TMEM184C: variants seen among roughly 807,000 people sequenced by gnomAD.
The protein encoded by TMEM184C is transmembrane protein 34.
A neutral mutation model predicts 54.5 loss-of-function variants in TMEM184C; 25 were observed. The ratio of observed to expected loss-of-function variants is 0.46; its 90% CI spans 0.33 to 0.64. The LOEUF is 0.64. Ranked by LOEUF, TMEM184C falls within the 30% of genes least tolerant of loss-of-function variation. The pLI, the probability that TMEM184C is intolerant of heterozygous loss-of-function variation, is 0.02. For missense variants in TMEM184C, 335 were observed against 520.3 expected (o/e 0.64, Z 3.46); for synonymous variants, 148 against 181.5 (o/e 0.82, Z 1.49).
Position 147,636,547 on chromosome 4 carries a change from C to T in TMEM184C, c.*2113C>T, listed in dbSNP as rs1222984163. 6.6e-6 allele frequency: 1 copy of T among 152,006 alleles called. No individual in the cohort carries two copies. The highest frequency in any genetic ancestry group is 6.6e-5 in the Admixed American group (1 of 15,244). The allele number at this position is 152,006 out of a possible 1,614,324, so 9.4% of individuals were successfully genotyped here. On this transcript the variant is annotated 3_prime_UTR_variant, in exon 10 of 10. Coordinates refer to ENST00000296582, the MANE Select transcript of TMEM184C (RefSeq NM_018241.3). ...AGAAGAGAACATAGGAGAAAAGTTC[C>T]TGGACACTGACCCTTGGCAATGATT... is the stretch of plus-strand genomic sequence containing the variant.
chr4:147,633,943 A>G lies in TMEM184C; in HGVS notation c.1051+7A>G. On this transcript the variant is annotated splice_region_variant and intron_variant, in intron 9 of 9. Transcript: ENST00000296582. ...GAACAAGTAAGGCATGTTGGTAAGT[A>G]CCAGCTATTTAATTCAACCAAATAG... is the stretch of plus-strand genomic sequence containing the variant. The G allele has an allele frequency of 6.2e-7, 1 of 1,605,828 alleles. No homozygotes were observed. Among genetic ancestry groups the G allele is most frequent in the Non-Finnish European group, 8.5e-7 (1 of 1,176,724 alleles).
rs1471005789 is a variant in TMEM184C at position 147,634,149 on chromosome 4, CAG to C, written c.1052-18_1052-17del. ...AATGGTAAAAATAACTTTTGACTAA[CAG>C]AAAACTTTATATTAAAGGACGGACA... On this transcript the variant is annotated intron_variant, in intron 9 of 9. Transcript: ENST00000296582. 5 of 1,599,314 alleles carry C rather than the reference CAG, an allele frequency of 3.1e-6. No homozygotes were observed. The highest frequency in any genetic ancestry group is 4.3e-6 in the Non-Finnish European group (5 of 1,173,848).
Position 147,624,964 on chromosome 4 carries a change from A to T in TMEM184C, c.452A>T (p.Lys151Ile). 1 of 1,613,948 alleles carries T rather than the reference A, an allele frequency of 6.2e-7. No individual in the cohort carries two copies. Among genetic ancestry groups the T allele is most frequent in the Middle Eastern group, 1.7e-4 (1 of 6,058 alleles). ...VLILEAKDQQ[K>I]HFPPLCCCPP... Reference sequence around the variant, plus strand: ...ATCCTTGAAGCCAAAGATCAACAGAAACATTTCCCTCCTTTATGTTGCTGT... The same window carrying T: ...ATCCTTGAAGCCAAAGATCAACAGATACATTTCCCTCCTTTATGTTGCTGT... Residue 151 changes from lysine (K) to isoleucine (I), a missense_variant, in exon 4 of 10, where the codon AAA becomes ATA. Lys to Ile is a moderately radical substitution (Grantham distance 102). Coordinates refer to ENST00000296582, the MANE Select transcript of TMEM184C (RefSeq NM_018241.3).
At chr4:147,626,367 A>C (rs954146806) in intron 4 of TMEM184C, among the ~76,000 whole-genome samples, 2 of 152,232 alleles carry the variant, frequency 1.3e-5, no homozygotes, top group African/African-American at 4.8e-5. Flanking sequence ...CTTGGAGGTT[A>C]GACACAAGAT....
rs368445075 is a variant in TMEM184C, at chr4:147,618,088, G to T, written c.123+9G>T. Reference sequence around the variant, plus strand: ...AATTACAGAAACTGGAGGTAAGAGGGTTCTGCACCATCAGCCTGTACACTT... The same window carrying T: ...AATTACAGAAACTGGAGGTAAGAGGTTTCTGCACCATCAGCCTGTACACTT... On this transcript the variant is annotated intron_variant, in intron 1 of 9. Transcript: ENST00000296582. 3.1e-6 allele frequency: 5 copies of T among 1,613,968 alleles called. 1 individual carries two copies. In the Middle Eastern group the frequency reaches 8.3e-4, roughly 266 times the overall value.
rs762130833 is a variant in TMEM184C at position 147,628,392 on chromosome 4, T to C, written c.529T>C (p.Leu177=). 6 of 1,613,868 alleles carry C rather than the reference T, an allele frequency of 3.7e-6. No individual in the cohort carries two copies. Among genetic ancestry groups the C allele is most frequent in the Non-Finnish European group, 5.1e-6 (6 of 1,179,892 alleles). Residue 177 remains leucine (L), a synonymous_variant, in exon 5 of 10, where the codon TTA becomes CTA. Coordinates refer to ENST00000296582, the MANE Select transcript of TMEM184C (RefSeq NM_018241.3). ...GCTGTTTAGGTGCAAACTAGGTGTA[T>C]TACAGTACACAGTTGTCAGACCTTT... ...VLLFRCKLGV[L]QYTVVRPFTT...
chr4:147,624,507 A>T (rs1256939053), intron 3 of TMEM184C, among the ~76,000 whole-genome samples: 1 of 152,212 alleles, frequency 6.6e-6, no homozygotes, highest in African/African-American at 2.4e-5. Context: ...ATCTATGATC[A>T]TATTAAGAAA....
intron 1 of TMEM184C, among the ~76,000 whole-genome samples, chr4:147,618,842 T>C (rs1196923599): frequency 6.6e-6 from 1 of 152,230 alleles, no homozygotes; most frequent in Non-Finnish European, 1.5e-5. Context: ...CTGATGACTT[T>C]CCCATACTAG....
rs560098819 is a variant in TMEM184C, at chr4:147,634,676, A to G, written c.*242A>G. The G allele has an allele frequency of 6.6e-5, 29 of 437,484 alleles. No individual in the cohort carries two copies. The highest frequency in any genetic ancestry group is 4.3e-4 in the South Asian group (11 of 25,604). 27.1% of individuals were successfully genotyped at this position (437,484 alleles called of 1,614,324 possible). A position where few individuals can be genotyped will look rare whatever the true frequency, so the allele number is the denominator to read the frequency against. ...GTATCGCATACTCAAATGGTAGACA[A>G]TGACCCCAACTAAATCTTCCTGATG... is the stretch of plus-strand genomic sequence containing the variant. On this transcript the variant is annotated 3_prime_UTR_variant, in exon 10 of 10. Coordinates refer to ENST00000296582, the MANE Select transcript of TMEM184C (RefSeq NM_018241.3).
chr4:147,631,522 T>G lies in TMEM184C; in HGVS notation c.779+17T>G. 1 of 1,584,916 alleles carries G rather than the reference T, an allele frequency of 6.3e-7. No individual in the cohort carries two copies. Among genetic ancestry groups the G allele is most frequent in the South Asian group, 1.1e-5 (1 of 87,390 alleles). ...TTCTTTTTGGTAAGTGTTACTTTTT[T>G]TTAAATGTTCTCATTTTTTTAAGGG... On this transcript the variant is annotated intron_variant, in intron 7 of 9. Transcript: ENST00000296582.
At chr4:147,622,438 C>A (rs957542778) in intron 1 of TMEM184C, among the ~76,000 whole-genome samples, 1 of 151,910 alleles carries the variant, frequency 6.6e-6, no homozygotes, top group African/African-American at 2.4e-5. Context: ...TATAATTGTT[C>A]TATTTTCTTG....
At chr4:147,625,136 C>CTG in intron 4 of TMEM184C, 127 bp downstream of exon 4, 1 of 817,810 alleles carries the variant, frequency 1.2e-6, no homozygotes, top group African/African-American at 1.7e-5. Context: ...TATAAGACAG[C>CTG]TCCTGATGCA....
At chr4:147,633,062 A>T (rs2126555101) in intron 8 of TMEM184C, 60 bp downstream of exon 8, 1 of 1,424,776 alleles carries the variant, frequency 7.0e-7, no homozygotes, top group East Asian at 2.3e-5. Context: ...ATTTTTACAT[A>T]TCTCCACTAA....
At position 147,630,922 on chromosome 4, in the gene TMEM184C, G is replaced by A. The variant is rs559587700; in HGVS notation, c.667-471G>A. Among the ~76,000 whole-genome samples, 3 of 152,110 alleles carry A rather than the reference G, an allele frequency of 2.0e-5. No individual in the cohort carries two copies. In the East Asian group the frequency reaches 5.8e-4, roughly 29 times the overall value. On this transcript the variant is annotated intron_variant, in intron 6 of 9. Coordinates refer to ENST00000296582, the MANE Select transcript of TMEM184C (RefSeq NM_018241.3). ...ATAAATCTAGCTGAACTAATACACC[G>A]CTCTCAGGAAAAATTGTTTGATTCT...
chr4:147,634,555 C>A lies in TMEM184C; in HGVS notation c.*121C>A. On this transcript the variant is annotated 3_prime_UTR_variant, in exon 10 of 10. Transcript: ENST00000296582. ...ATGTCAACACAAAAATAGCTGAAAGCCAGGTACAACTACTGCATTTATATA... is the reference window on the plus strand; with the variant it reads ...ATGTCAACACAAAAATAGCTGAAAGACAGGTACAACTACTGCATTTATATA... The A allele has an allele frequency of 9.1e-7, 1 of 1,097,706 alleles. No homozygotes were observed. The highest frequency in any genetic ancestry group is 1.3e-6 in the Non-Finnish European group (1 of 772,522). The allele number at this position is 1,097,706 out of a possible 1,614,324, so 68.0% of individuals were successfully genotyped here.
At chr4:147,633,023 A>G (rs773564957) in intron 8 of TMEM184C, 21 bp downstream of exon 8, 2 of 1,593,144 alleles carry the variant, frequency 1.3e-6, no homozygotes, top group East Asian at 2.2e-5. Flanking sequence ...CCATCTCTGA[A>G]TTCAATAGAA....
In TMEM184C at chr4:147,617,801, G is replaced by C. The variant is rs1035277502; in HGVS notation, c.-156G>C. On this transcript the variant is annotated 5_prime_UTR_variant, in exon 1 of 10. Coordinates refer to ENST00000296582, the MANE Select transcript of TMEM184C (RefSeq NM_018241.3). ...AAGCAGCAGCAGCAGAAGACACAGC[G>C]CCGGTCCAGGAGGCGGCTCGAGCTG... 4.1e-6 allele frequency: 4 copies of C among 981,630 alleles called. No individual in the cohort carries two copies. The African/African-American group carries it at 4.8e-5, about 12-fold the overall frequency. 60.8% of individuals were successfully genotyped at this position (981,630 alleles called of 1,614,324 possible).
At position 147,617,906 on chromosome 4, in the gene TMEM184C, A is replaced by G. The variant is rs761332910; in HGVS notation, c.-51A>G. 5.0e-6 allele frequency: 8 copies of G among 1,610,532 alleles called. No homozygotes were observed. In the East Asian group the frequency reaches 1.3e-4, roughly 27 times the overall value. ...CCAGAGAACAGGGCTCCCCATTACAATCTTTTCGAGATCTTTTCCCTTGCT... is the reference window on the plus strand; with the variant it reads ...CCAGAGAACAGGGCTCCCCATTACAGTCTTTTCGAGATCTTTTCCCTTGCT... On this transcript the variant is annotated 5_prime_UTR_variant, in exon 1 of 10. Coordinates refer to ENST00000296582, the MANE Select transcript of TMEM184C (RefSeq NM_018241.3).
intron 4 of TMEM184C, among the ~76,000 whole-genome samples, chr4:147,626,383 C>T (rs1173406323): frequency 6.6e-6 from 1 of 152,110 alleles, no homozygotes; most frequent in African/African-American, 2.4e-5. Context: ...AAGATGGAGT[C>T]GGTTTAAGTT....
Sources: allele counts gnomAD v4.1 joint callset (sites outside exome capture counted in the v4.1 genomes callset), GRCh38; gene constraint gnomAD v4.1.1; transcripts MANE v1.5; gene names NCBI Gene and HGNC (gene_info 2026-07-23, HGNC 2026-07-21).